Variants in FAM53A observed in about 807,000 individuals in gnomAD.
FAM53A encodes the protein protein FAM53A.
In FAM53A, 28 loss-of-function variants were observed where a neutral mutation model predicts 26.6. The ratio of observed to expected loss-of-function variants is 1.05; its 90% CI spans 0.78 to 1.45. The LOEUF (loss-of-function observed/expected upper bound fraction) is 1.45, where lower values mean the gene tolerates loss of function less well. Ranked by LOEUF, FAM53A falls within the 40% of genes most tolerant of loss-of-function variation. The pLI is 0.00. For synonymous variants in FAM53A, 290 were observed against 253.1 expected, an observed-to-expected ratio of 1.15 and a Z score of -1.38; for missense variants, 650 against 575.8, an observed-to-expected ratio of 1.13 and a Z score of -1.32.
At chr4:1,587,543 A>G in the FAM53A span, among the ~76,000 whole-genome samples, 1 of 152,138 alleles carries the variant, frequency 6.6e-6, no homozygotes, top group Non-Finnish European at 1.5e-5. Flanking sequence ...GTGGTGGTGC[A>G]TGCCTGTAAT....
At chr4:1,647,536 C>T (rs1292826108) in intron 4 of FAM53A, among the ~76,000 whole-genome samples, 1 of 152,128 alleles carries the variant, frequency 6.6e-6, no homozygotes, top group Non-Finnish European at 1.5e-5. Flanking sequence ...GCCGAACGGT[C>T]CCACTGATAA....
intron 2 of FAM53A, 128 bp downstream of exon 2, chr4:1,668,539 T>A: frequency 1.1e-6 from 1 of 943,434 alleles, no homozygotes; most frequent in Non-Finnish European, 1.6e-6. Flanking sequence ...GACACCCCCA[T>A]CCCTGGCCCA....
chr4:1,603,523 G>C, the FAM53A span, among the ~76,000 whole-genome samples: 1 of 152,144 alleles, frequency 6.6e-6, no homozygotes, highest in African/African-American at 2.4e-5. Context: ...GGGCAGGGTG[G>C]GGCCCGGCAC....
In FAM53A at chr4:1,668,732, G is replaced by A. The variant is rs369122428; in HGVS notation, c.10C>T (p.Leu4Phe). 4 of 1,614,078 alleles carry A rather than the reference G, an allele frequency of 2.5e-6. No individual in the cohort carries two copies. Among genetic ancestry groups the A allele is most frequent in the South Asian group, 2.2e-5 (2 of 91,094 alleles). MVTLITEKLQSQSL... is the reference protein window; with the variant it reads MVTFITEKLQSQSL... ...TGGCTCTGCAGCTTCTCAGTGATGAGTGTGACCATGGTCGGGGCCCCGTGT... is the reference window on the plus strand; with the variant it reads ...TGGCTCTGCAGCTTCTCAGTGATGAATGTGACCATGGTCGGGGCCCCGTGT... Residue 4 changes from leucine (L) to phenylalanine (F), a missense_variant, in exon 2 of 5, where the codon CTC (leucine) becomes TTC (phenylalanine). Coordinates refer to ENST00000308132, the MANE Select transcript of FAM53A (RefSeq NM_001174070.3).
downstream of FAM53A, among the ~76,000 whole-genome samples, chr4:1,635,455 G>C (rs1577094771): frequency 6.6e-6 from 1 of 152,058 alleles, no homozygotes; most frequent in East Asian, 1.9e-4. Context: ...TTTATTTTTA[G>C]TAGAGACGAG....
downstream of FAM53A, among the ~76,000 whole-genome samples, chr4:1,614,108 C>T (rs1427196816): frequency 1.3e-5 from 2 of 152,186 alleles, no homozygotes; most frequent in Admixed American, 6.5e-5. Context: ...CTGCCACACT[C>T]GGTGTGGAGC....
chr4:1,610,334 C>A, the FAM53A span, among the ~76,000 whole-genome samples: 1 of 152,288 alleles, frequency 6.6e-6, no homozygotes, highest in East Asian at 1.9e-4. Flanking sequence ...GGAAGACCTG[C>A]CACCCGCCTC....
chr4:1,587,103 T>C, the FAM53A span, among the ~76,000 whole-genome samples: 4 of 152,204 alleles, frequency 2.6e-5, no homozygotes, highest in Non-Finnish European at 5.9e-5. Flanking sequence ...TTCCTGCTAT[T>C]GGGTTGTTTG....
At chr4:1,666,596 C>T (rs1714253485) in intron 2 of FAM53A, among the ~76,000 whole-genome samples, 1 of 152,264 alleles carries the variant, frequency 6.6e-6, no homozygotes, top group Non-Finnish European at 1.5e-5. Flanking sequence ...GGCTGACGTC[C>T]ACTTGCCAAA....
At chr4:1,670,272 C>T (rs1425233577) in intron 1 of FAM53A, among the ~76,000 whole-genome samples, 1 of 152,268 alleles carries the variant, frequency 6.6e-6, no homozygotes, top group Non-Finnish European at 1.5e-5. Flanking sequence ...CACACACAAC[C>T]GCTCTCGACA....
chr4:1,630,492 G>A lies in FAM53A; in HGVS notation c.432-12381C>T, dbSNP rs1183900005. On this transcript the variant is annotated intron_variant, in intron 1 of 1. Transcript: ENST00000489029. This position sits in a 1 kb window ranked among gnomAD's most constrained non-coding sequence, Gnocchi z 4.3. The stretch of plus-strand genomic sequence containing the variant: ...CCCCAACTCATGGATCACGTGTCAC[G>A]AATCGTGTATGGGGACACACAGGCA... Among the ~76,000 whole-genome samples the A allele has an allele frequency of 6.6e-6, 1 of 152,216 alleles. No individual in the cohort carries two copies. Among genetic ancestry groups the A allele is most frequent in the Non-Finnish European group, 1.5e-5 (1 of 68,040 alleles).
chr4:1,614,790 T>C (rs1477419139), downstream of FAM53A, among the ~76,000 whole-genome samples: 1 of 152,104 alleles, frequency 6.6e-6, no homozygotes, highest in East Asian at 1.9e-4. Context: ...TGAGCGTGTA[T>C]ATTGATCCCT....
At chr4:1,601,034 G>A in the FAM53A span, among the ~76,000 whole-genome samples, 26 of 152,046 alleles carry the variant, frequency 1.7e-4, no homozygotes, top group South Asian at 4.8e-3. Flanking sequence ...CCAGGGCCAC[G>A]CCCAGGGCCA....
At position 1,624,410 on chromosome 4, in the gene FAM53A, G is replaced by A. The variant is rs182859947; in HGVS notation, c.432-6299C>T. The stretch of plus-strand genomic sequence containing the variant: ...ACTGGTGCTTCAAGAGGCAGAAAGC[G>A]CCGTGACCCCCCGAACCACAAATGT... On this transcript the variant is annotated intron_variant, in intron 1 of 1. Coordinates refer to the FAM53A transcript ENST00000489029. 2.8e-3 allele frequency among the ~76,000 whole-genome samples: 432 copies of A among 152,286 alleles called. 1 individual carries two copies. Among genetic ancestry groups the A allele is most frequent in the Non-Finnish European group, 5.5e-3 (371 of 68,006 alleles).
At chr4:1,579,393 C>T in the FAM53A span, among the ~76,000 whole-genome samples, 17 of 151,894 alleles carry the variant, frequency 1.1e-4, no homozygotes, top group African/African-American at 3.9e-4. Context: ...CCATGGGGAC[C>T]GGCATGTCAA....
intron 4 of FAM53A, among the ~76,000 whole-genome samples, chr4:1,652,462 ACAC>A (rs1330583675): frequency 2.1e-5 from 3 of 145,032 alleles, no homozygotes; most frequent in Non-Finnish European, 3.0e-5. Flanking sequence ...CACCCCACAC[ACAC>A]GACACACATC....
At chr4:1,667,111 G>C (rs567024644) in intron 2 of FAM53A, among the ~76,000 whole-genome samples, 1 of 145,254 alleles carries the variant, frequency 6.9e-6, no homozygotes, top group East Asian at 2.0e-4. Flanking sequence ...CTGGGCGACA[G>C]AGCAAGACTC....
At chr4:1,680,274 G>A (rs2854922) in intron 1 of FAM53A, among the ~76,000 whole-genome samples, 3 of 126,678 alleles carry the variant, frequency 2.4e-5, no homozygotes, top group East Asian at 2.9e-4. Flanking sequence ...AGCCGAGATC[G>A]CACCATTGCA....
chr4:1,594,652 G>A, the FAM53A span, among the ~76,000 whole-genome samples: 1 of 152,172 alleles, frequency 6.6e-6, no homozygotes, highest in Non-Finnish European at 1.5e-5. Flanking sequence ...AGAACAGCCT[G>A]GGCAACATAG....
Sources: gnomAD v4.1 joint callset for allele counts (sites outside exome capture counted in the v4.1 genomes callset) on GRCh38, gnomAD v4.1.1 for gene constraint, Gnocchi (gnomAD v3.1) non-coding constraint, MANE v1.5 for transcripts, NCBI Gene and HGNC (gene_info 2026-07-23, HGNC 2026-07-21) for gene names.